The following CNTN5 variants were observed in gnomAD, a reference collection of about 807,000 sequenced individuals.
The protein encoded by CNTN5 is contactin 5.
Under a neutral mutation model 129.1 loss-of-function variants are expected in CNTN5, and 77 were observed. The observed-to-expected ratio is 0.60, with a 90% CI of 0.50 to 0.72. The LOEUF is 0.72. Ranked by LOEUF, CNTN5 falls within the 30% of genes least tolerant of loss-of-function variation. CNTN5 has a pLI of 0.00. For synonymous variants in CNTN5, 509 were observed against 465.6 expected (o/e 1.09, Z -1.20); for missense variants, 1,478 against 1,328.8 (o/e 1.11, Z -1.75).
At chr11:99,878,235 C>T (rs542623891) in intron 6 of CNTN5, among the ~76,000 whole-genome samples, 1 of 152,166 alleles carries the variant, frequency 6.6e-6, no homozygotes, top group Non-Finnish European at 1.5e-5. Flanking sequence ...GCCCTGGAAT[C>T]AGAGTCAAAT....
At chr11:99,544,111 G>T (rs1194481393) in intron 2 of CNTN5, among the ~76,000 whole-genome samples, 1 of 152,020 alleles carries the variant, frequency 6.6e-6, no homozygotes, top group Non-Finnish European at 1.5e-5. Flanking sequence ...CGTGGCACTG[G>T]CATCTGCTTA....
chr11:99,570,198 G>A (rs1441808101), intron 3 of CNTN5, among the ~76,000 whole-genome samples: 2 of 151,564 alleles, frequency 1.3e-5, no homozygotes, highest in Non-Finnish European at 2.9e-5. Flanking sequence ...GTTTCTCTAT[G>A]GTAATTCAGA....
intron 3 of CNTN5, among the ~76,000 whole-genome samples, chr11:99,617,630 G>A (rs1950802401): frequency 6.6e-6 from 1 of 152,044 alleles, no homozygotes; most frequent in South Asian, 2.1e-4. Context: ...AGTTCTAGAG[G>A]AGATTTTTTC....
In CNTN5 at chr11:100,161,723, A is replaced by G. The variant is rs144482501; in HGVS notation, c.1581-29403A>G. ...AATAAAATTTTTATGCTAGACATACATATGACAGAAGGTGGTTATTAATTT... is the reference window on the plus strand; with the variant it reads ...AATAAAATTTTTATGCTAGACATACGTATGACAGAAGGTGGTTATTAATTT... On this transcript the variant is annotated intron_variant, in intron 13 of 24. Transcript: ENST00000524871. Among the ~76,000 whole-genome samples the G allele has an allele frequency of 3.0e-3, 452 of 151,812 alleles. 1 individual carries two copies. Among genetic ancestry groups the G allele is most frequent in the African/African-American group, 1.0e-2 (414 of 41,448 alleles).
intron 6 of CNTN5, among the ~76,000 whole-genome samples, chr11:99,869,730 T>C (rs1382190906): frequency 6.6e-6 from 1 of 152,124 alleles, no homozygotes; most frequent in Non-Finnish European, 1.5e-5. Flanking sequence ...TCGAGCAGAG[T>C]GCAGCTTACT....
chr11:99,841,812 GTATATA>G (rs1565592990), intron 4 of CNTN5, among the ~76,000 whole-genome samples: 11 of 134,570 alleles, frequency 8.2e-5, no homozygotes, highest in Non-Finnish European at 1.1e-4. Context: ...TGGTGTGTGT[GTATATA>G]TGTGTGTATA....
intron 16 of CNTN5, among the ~76,000 whole-genome samples, chr11:100,242,267 A>G (rs1164343870): frequency 6.6e-6 from 1 of 151,970 alleles, no homozygotes; most frequent in Non-Finnish European, 1.5e-5. Flanking sequence ...GCTCCTTCTT[A>G]TTTATTTCTC....
chr11:100,044,911 C>A (rs369828207), intron 9 of CNTN5, among the ~76,000 whole-genome samples: 1 of 152,080 alleles, frequency 6.6e-6, no homozygotes, highest in Admixed American at 6.6e-5. Context: ...TGAGACTGCT[C>A]ACCCTGACAA....
chr11:100,078,412 A>G (rs1359021503), intron 13 of CNTN5, among the ~76,000 whole-genome samples: 2 of 152,176 alleles, frequency 1.3e-5, no homozygotes, highest in Admixed American at 1.3e-4. Context: ...AATGGATTAC[A>G]TCAGAGCTAA....
At chr11:99,287,947 C>A (rs1040052645) in intron 1 of CNTN5, among the ~76,000 whole-genome samples, 26 of 151,828 alleles carry the variant, frequency 1.7e-4, no homozygotes, top group Admixed American at 1.7e-3. Flanking sequence ...GTTCCAATTG[C>A]GACAATCAAA....
chr11:99,876,538 G>T (rs1244161646), intron 6 of CNTN5, among the ~76,000 whole-genome samples: 1 of 151,984 alleles, frequency 6.6e-6, no homozygotes, highest in East Asian at 1.9e-4. Flanking sequence ...TACAGTGGGG[G>T]GTATGGTCTG....
chr11:99,663,023 T>A (rs1182240779), intron 3 of CNTN5, among the ~76,000 whole-genome samples: 1 of 152,230 alleles, frequency 6.6e-6, no homozygotes, highest in Non-Finnish European at 1.5e-5. Context: ...TTGTATTATG[T>A]AAGAAACTCA....
intron 3 of CNTN5, among the ~76,000 whole-genome samples, chr11:99,643,113 G>T (rs2510973): frequency 2.6e-5 from 4 of 151,686 alleles, no homozygotes; most frequent in South Asian, 2.1e-4. Flanking sequence ...GGATATATAA[G>T]GTTTTAAAAA....
intron 2 of CNTN5, among the ~76,000 whole-genome samples, chr11:99,421,951 G>A (rs770502178): frequency 1.2e-4 from 19 of 152,130 alleles, no homozygotes; most frequent in Non-Finnish European, 2.8e-4. Flanking sequence ...AAATTTTGTG[G>A]TAATGTCAAC....
chr11:99,340,177 A>G (rs534106760), intron 2 of CNTN5, among the ~76,000 whole-genome samples: 1 of 152,292 alleles, frequency 6.6e-6, no homozygotes, highest in Non-Finnish European at 1.5e-5. Flanking sequence ...GAGATTGGGC[A>G]AGTGTCAGAG....
At chr11:99,107,996 G>A (rs1209000001) in intron 1 of CNTN5, among the ~76,000 whole-genome samples, 1 of 149,914 alleles carries the variant, frequency 6.7e-6, no homozygotes, top group Non-Finnish European at 1.5e-5. Context: ...TGGAGAGGAA[G>A]GAATGTGGTT....
At chr11:100,054,546 T>C (rs1943119284) in intron 9 of CNTN5, among the ~76,000 whole-genome samples, 1 of 151,806 alleles carries the variant, frequency 6.6e-6, no homozygotes, top group South Asian at 2.1e-4. Context: ...CTTTCTAAGC[T>C]CTCAAGGATG....
intron 3 of CNTN5, among the ~76,000 whole-genome samples, chr11:99,745,836 T>C (rs1023584577): frequency 3.3e-5 from 5 of 152,120 alleles, no homozygotes; most frequent in Non-Finnish European, 5.9e-5. Context: ...AAGGCACTTA[T>C]AAATAGTAAG....
At position 99,944,681 on chromosome 11, in the gene CNTN5, C is replaced by A. The variant is rs2136124444; in HGVS notation, c.674-12125C>A. ...TCAGCTAAGTCTCAGGATACAAAAT[C>A]AATGTGCAAAAATCGCAAGCATTCT... On this transcript the variant is annotated intron_variant, in intron 7 of 24. Coordinates refer to ENST00000524871, the MANE Select transcript of CNTN5 (RefSeq NM_014361.4). Among the ~76,000 whole-genome samples, 2 of 152,154 alleles carry A rather than the reference C, an allele frequency of 1.3e-5. 1 individual carries two copies. Among genetic ancestry groups the A allele is most frequent in the Middle Eastern group, 6.8e-3 (2 of 294 alleles).
Sources: gnomAD v4.1 joint callset for allele counts (sites outside exome capture counted in the v4.1 genomes callset) on GRCh38, gnomAD v4.1.1 for gene constraint, MANE v1.5 for transcripts, NCBI Gene and HGNC (gene_info 2026-07-23, HGNC 2026-07-21) for gene names.